The following PAPSS2 variants were observed in gnomAD, a reference collection of about 807,000 sequenced individuals.
The protein encoded by PAPSS2 is 3'-phosphoadenosine 5'-phosphosulfate synthase 2, also known as bifunctional 3'-phosphoadenosine 5'-phosphosulfate synthase 2.
In PAPSS2, 61 loss-of-function variants were observed where a neutral mutation model predicts 66.5. The ratio of observed to expected loss-of-function variants is 0.92; its 90% CI spans 0.75 to 1.14. The LOEUF (loss-of-function observed/expected upper bound fraction) is 1.14, where lower values mean the gene tolerates loss of function less well. Ranked by LOEUF, PAPSS2 falls within the 50% of genes most tolerant of loss-of-function variation. The pLI is 0.00. For missense variants in PAPSS2, 708 were observed against 789.6 expected (o/e 0.90, Z 1.24); for synonymous variants, 289 against 287.5 (o/e 1.01, Z -0.05).
intron 9 of PAPSS2, among the ~76,000 whole-genome samples, chr10:87,733,331 C>A (rs1002561063): frequency 3.3e-5 from 5 of 152,324 alleles, no homozygotes; most frequent in African/African-American, 1.2e-4. Context: ...ATGAAATCAT[C>A]AGGAGGAGCA....
At chr10:87,728,629 A>C (rs1294080334) in intron 9 of PAPSS2, among the ~76,000 whole-genome samples, 1 of 152,126 alleles carries the variant, frequency 6.6e-6, no homozygotes, top group Non-Finnish European at 1.5e-5. Flanking sequence ...AATCCCAGCT[A>C]CTCAGGAGGC....
chr10:87,727,478 C>A lies in PAPSS2; in HGVS notation c.1075C>A (p.Pro359Thr), dbSNP rs1464230461. ...TTGGGGGACAACATGTACAAAACAC[C>A]CCCATATCAAAGTAAGTCACAAAAC... is the stretch of plus-strand genomic sequence containing the variant. Reference protein sequence around the residue: ...RVWGTTCTKHPHIKMVMESGD... With the variant: ...RVWGTTCTKHTHIKMVMESGD... The change falls in exon 9 of 13, where the codon CCC (proline) becomes ACC (threonine). Residue 359 changes from proline to threonine, a missense_variant. Coordinates refer to ENST00000456849, the MANE Select transcript of PAPSS2 (RefSeq NM_001015880.2). 1.2e-6 allele frequency: 2 copies of A among 1,611,286 alleles called. No homozygotes were observed. The highest frequency in any genetic ancestry group is 1.7e-6 in the Non-Finnish European group (2 of 1,178,266).
intron 9 of PAPSS2, among the ~76,000 whole-genome samples, chr10:87,734,071 C>T (rs893741990): frequency 6.6e-6 from 1 of 152,178 alleles, no homozygotes; most frequent in Non-Finnish European, 1.5e-5. Flanking sequence ...CTTACTCCCC[C>T]ATAATCTCCC....
chr10:87,689,511 A>G (rs1459074840), intron 1 of PAPSS2, among the ~76,000 whole-genome samples: 1 of 151,582 alleles, frequency 6.6e-6, no homozygotes, highest in African/African-American at 2.4e-5. Context: ...TACTAAATAC[A>G]AAAAATTAGC....
At chr10:87,735,322 T>C (rs984833390) in intron 9 of PAPSS2, among the ~76,000 whole-genome samples, 1 of 152,108 alleles carries the variant, frequency 6.6e-6, no homozygotes, top group Non-Finnish European at 1.5e-5. Context: ...AAACACATAG[T>C]TTTAACATCT....
chr10:87,669,139 C>T (rs1852846648), intron 1 of PAPSS2, among the ~76,000 whole-genome samples: 1 of 152,168 alleles, frequency 6.6e-6, no homozygotes, highest in Admixed American at 6.6e-5. Flanking sequence ...AAATTCAACC[C>T]TTTCCCACCT....
At chr10:87,709,068 A>AT (rs1853430947) in intron 1 of PAPSS2, 128 bp from the exon 2 acceptor site, 1 of 628,458 alleles carries the variant, frequency 1.6e-6, no homozygotes, top group Non-Finnish European at 2.9e-6. Context: ...CTTTCAAAAT[A>AT]TTTTTTATAT....
intron 1 of PAPSS2, among the ~76,000 whole-genome samples, chr10:87,703,054 C>T (rs1853337370): frequency 6.6e-6 from 1 of 152,188 alleles, no homozygotes; most frequent in African/African-American, 2.4e-5. Context: ...GGCAGAGACA[C>T]ACATGCCACC....
Position 87,745,181 on chromosome 10 carries a change from G to C in PAPSS2, c.1671G>C (p.Val557=). 2.5e-6 allele frequency: 4 copies of C among 1,614,008 alleles called. No individual in the cohort carries two copies. The highest frequency in any genetic ancestry group is 3.4e-6 in the Non-Finnish European group (4 of 1,179,944). The change falls in exon 12 of 13, where the codon GTG becomes GTC. Residue 557 remains valine, a synonymous_variant. Coordinates refer to ENST00000456849, the MANE Select transcript of PAPSS2 (RefSeq NM_001015880.2). ...CTGTGGAAATCATTCCATTCCGAGT[G>C]GCTGCCTACAACAAAGCCAAAAAAG... ...LTSVEIIPFR[V]AAYNKAKKAM...
chr10:87,681,458 T>G (rs1212797676), intron 1 of PAPSS2, among the ~76,000 whole-genome samples: 6 of 152,202 alleles, frequency 3.9e-5, no homozygotes, highest in African/African-American at 1.4e-4. Context: ...TACAAGAATT[T>G]GAAGAGGTTT....
chr10:87,704,944 G>A (rs188330831), intron 1 of PAPSS2, among the ~76,000 whole-genome samples: 2 of 152,174 alleles, frequency 1.3e-5, no homozygotes, highest in East Asian at 3.9e-4. Context: ...ACACAGCCTC[G>A]TTTGCTTACT....
chr10:87,718,245 G>T (rs1053076910), intron 7 of PAPSS2, among the ~76,000 whole-genome samples: 6 of 152,030 alleles, frequency 3.9e-5, no homozygotes, highest in African/African-American at 1.5e-4. Context: ...GGCCAGGCTG[G>T]TCTTGAGCTC....
chr10:87,734,221 G>A (rs1015259762), intron 9 of PAPSS2, among the ~76,000 whole-genome samples: 6 of 152,014 alleles, frequency 3.9e-5, no homozygotes, highest in African/African-American at 1.2e-4. Context: ...TCGATCATGC[G>A]CTCTCTGACT....
At position 87,710,822 on chromosome 10, in the gene PAPSS2, G is replaced by A. The variant is rs540011647; in HGVS notation, c.145+1509G>A. ...TCAAGACCAGCCTGGCCAACACAGC[G>A]AAACCCTGTCTCTCTACTAAGAAGA... On this transcript the variant is annotated intron_variant, in intron 2 of 12. Coordinates refer to ENST00000456849, the MANE Select transcript of PAPSS2 (RefSeq NM_001015880.2). Among the ~76,000 whole-genome samples the A allele has an allele frequency of 4.4e-3, 669 of 152,104 alleles. 18 individuals carry two copies. The highest frequency in any genetic ancestry group is 1.5e-3 in the Non-Finnish European group (99 of 67,974).
chr10:87,676,343 A>G (rs17118055), intron 1 of PAPSS2, among the ~76,000 whole-genome samples: 1,953 of 152,284 alleles, frequency 0.013, 45 homozygotes, highest in African/African-American at 0.045. Flanking sequence ...TAAATCTAAA[A>G]TAATTTCCTT....
intron 1 of PAPSS2, among the ~76,000 whole-genome samples, chr10:87,700,759 A>G (rs1456781333): frequency 3.9e-5 from 6 of 152,136 alleles, no homozygotes; most frequent in African/African-American, 1.4e-4. Context: ...CACTAAAAGT[A>G]GAAAAGTTAA....
At chr10:87,661,606 C>G (rs770377469) in intron 1 of PAPSS2, among the ~76,000 whole-genome samples, 2 of 152,044 alleles carry the variant, frequency 1.3e-5, no homozygotes, top group Non-Finnish European at 2.9e-5. Context: ...GAGGTGGTCT[C>G]TCCTCTTGAT....
At chr10:87,727,898 C>T (rs1406394278) in intron 9 of PAPSS2, among the ~76,000 whole-genome samples, 1 of 152,124 alleles carries the variant, frequency 6.6e-6, no homozygotes, top group Non-Finnish European at 1.5e-5. Context: ...TGGACCCAAC[C>T]AAATGCTGGA....
Position 87,659,942 on chromosome 10 carries a change from C to G in PAPSS2, c.-40C>G, listed in dbSNP as rs113301789. 1 of 1,609,948 alleles carries G rather than the reference C, an allele frequency of 6.2e-7. No individual in the cohort carries two copies. The highest frequency in any genetic ancestry group is 1.3e-5 in the African/African-American group (1 of 74,970). ...CGCCGCCGTCCCTGCGTCCTTCGGT[C>G]TCTGCTCCCGGGACCCGGGCTCCGC... On this transcript the variant is annotated 5_prime_UTR_variant, in exon 1 of 13. Coordinates refer to ENST00000456849, the MANE Select transcript of PAPSS2 (RefSeq NM_001015880.2).
Sources: allele counts gnomAD v4.1 joint callset (sites outside exome capture counted in the v4.1 genomes callset), GRCh38; gene constraint gnomAD v4.1.1; transcripts MANE v1.5; gene names NCBI Gene and HGNC (gene_info 2026-07-23, HGNC 2026-07-21).